LRRC8C: variants seen among roughly 807,000 people sequenced by gnomAD.
LRRC8C encodes the protein leucine rich repeat containing 8 VRAC subunit C, also known as volume-regulated anion channel subunit LRRC8C.
A neutral mutation model predicts 55.3 loss-of-function variants in LRRC8C; 20 were observed. The ratio of observed to expected loss-of-function variants is 0.36; its 90% CI spans 0.25 to 0.53. The LOEUF is 0.53. Ranked by LOEUF, LRRC8C falls within the 20% of genes least tolerant of loss-of-function variation. The probability of loss-of-function intolerance (pLI) is 0.92; values close to 1 mark genes in which losing one functional copy is unlikely to be tolerated. For synonymous variants in LRRC8C, 376 were observed against 360.7 expected (o/e 1.04, Z -0.48); for missense variants, 659 against 951.4 (o/e 0.69, Z 4.04).
chr1:89,668,654 G>A (rs192988961), intron 1 of LRRC8C, among the ~76,000 whole-genome samples: 2 of 152,230 alleles, frequency 1.3e-5, no homozygotes, highest in East Asian at 3.9e-4. Context: ...AAATGAGCTT[G>A]GACATTGGAA....
At chr1:89,693,508 T>C (rs370207011) in intron 2 of LRRC8C, among the ~76,000 whole-genome samples, 3 of 152,124 alleles carry the variant, frequency 2.0e-5, no homozygotes, top group East Asian at 1.9e-4. Context: ...TTGAATTTTA[T>C]AGATAGAAGC....
intron 1 of LRRC8C, among the ~76,000 whole-genome samples, chr1:89,672,546 T>G (rs973826749): frequency 1.3e-5 from 2 of 152,186 alleles, no homozygotes; most frequent in Non-Finnish European, 2.9e-5. Context: ...AGACACCGCA[T>G]CTGTCCTTTG....
chr1:89,668,225 A>G (rs1250764417), intron 1 of LRRC8C: 1 of 152,564 alleles, frequency 6.6e-6, no homozygotes, highest in East Asian at 1.9e-4. Flanking sequence ...GAAATCACAT[A>G]CAGATCCCCC....
intron 1 of LRRC8C, among the ~76,000 whole-genome samples, chr1:89,680,767 G>C (rs1420749466): frequency 6.6e-6 from 1 of 151,256 alleles, no homozygotes; most frequent in Non-Finnish European, 1.5e-5. Flanking sequence ...TACCATGTTG[G>C]CCAGGCTGGT....
chr1:89,664,505 GTGT>G (rs1657204154), intron 1 of LRRC8C, among the ~76,000 whole-genome samples: 1 of 152,020 alleles, frequency 6.6e-6, no homozygotes, highest in Non-Finnish European at 1.5e-5. Flanking sequence ...GTCTATATTT[GTGT>G]TTTGGTACCA....
chr1:89,623,109 C>G, the LRRC8C span, among the ~76,000 whole-genome samples: 1 of 151,474 alleles, frequency 6.6e-6, no homozygotes, highest in Non-Finnish European at 1.5e-5. Context: ...TTATCTGAAC[C>G]CTAGTGTTTT....
chr1:89,620,199 G>A, the LRRC8C span, among the ~76,000 whole-genome samples: 1 of 152,068 alleles, frequency 6.6e-6, no homozygotes. Flanking sequence ...TATCATGAGG[G>A]CATTAATCCC....
chr1:89,708,630 T>A (rs1557668870), intron 2 of LRRC8C: 1 of 152,238 alleles, frequency 6.6e-6, no homozygotes, highest in East Asian at 1.9e-4. Flanking sequence ...CCTGCCTTAT[T>A]TTTTTTCTTA....
At chr1:89,703,850 G>C (rs896611653) in intron 2 of LRRC8C, among the ~76,000 whole-genome samples, 1 of 151,922 alleles carries the variant, frequency 6.6e-6, no homozygotes, top group Non-Finnish European at 1.5e-5. Context: ...CTAGAAATAA[G>C]TCCAAATATC....
At chr1:89,681,585 G>A (rs1049495050) in intron 1 of LRRC8C, among the ~76,000 whole-genome samples, 1 of 152,128 alleles carries the variant, frequency 6.6e-6, no homozygotes, top group African/African-American at 2.4e-5. Flanking sequence ...GGTGAAGGAG[G>A]GGCAAAGGCA....
At chr1:89,695,096 A>G (rs1658136128) in intron 2 of LRRC8C, among the ~76,000 whole-genome samples, 1 of 151,002 alleles carries the variant, frequency 6.6e-6, no homozygotes, top group South Asian at 2.1e-4. Flanking sequence ...TAATTTTTGT[A>G]TTTTTAGTAG....
At chr1:89,637,030 C>T (rs1044103744) in intron 1 of LRRC8C, among the ~76,000 whole-genome samples, 1 of 152,078 alleles carries the variant, frequency 6.6e-6, no homozygotes, top group African/African-American at 2.4e-5. Context: ...TTGGTGGCAC[C>T]TTCTTTGTTA....
chr1:89,705,131 G>A lies in LRRC8C; in HGVS notation c.139-7578G>A, dbSNP rs1658439076. 2.0e-5 allele frequency among the ~76,000 whole-genome samples: 3 copies of A among 151,822 alleles called. No homozygotes were observed. The South Asian group carries it at 6.2e-4, about 32-fold the overall frequency. ...AGTTCATGTCCTTTATAGGGACATGGATGAAATTGGAAATCATCATTCTCA... is the reference window on the plus strand; with the variant it reads ...AGTTCATGTCCTTTATAGGGACATGAATGAAATTGGAAATCATCATTCTCA... On this transcript the variant is annotated intron_variant, in intron 2 of 2. Coordinates refer to ENST00000370454, the MANE Select transcript of LRRC8C (RefSeq NM_032270.5).
rs146552074 is a variant in LRRC8C at position 89,718,624 on chromosome 1, A to G, written c.*3642A>G. 2.0e-3 allele frequency: 310 copies of G among 152,318 alleles called. No individual in the cohort carries two copies. Among genetic ancestry groups the G allele is most frequent in the African/African-American group, 7.2e-3 (301 of 41,572 alleles). 9.4% of individuals were successfully genotyped at this position (152,318 alleles called of 1,614,324 possible). A position where few individuals can be genotyped will look rare whatever the true frequency, so the allele number is the denominator to read the frequency against. On this transcript the variant is annotated 3_prime_UTR_variant, in exon 3 of 3. Transcript: ENST00000370454. ...ATAGAAATGATATATTTAAGCAGCA[A>G]AGATTCCTAATCCATCATTATGAAA...
chr1:89,667,708 G>T (rs1657310184), intron 1 of LRRC8C, among the ~76,000 whole-genome samples: 1 of 152,126 alleles, frequency 6.6e-6, no homozygotes, highest in Non-Finnish European at 1.5e-5. Context: ...TCCCTTAAAA[G>T]AGCTAAAACT....
chr1:89,694,484 C>G (rs1195099948), intron 2 of LRRC8C, among the ~76,000 whole-genome samples: 1 of 151,494 alleles, frequency 6.6e-6, no homozygotes, highest in Non-Finnish European at 1.5e-5. Context: ...AGTTCTCACT[C>G]TGTTGCGCAG....
At chr1:89,677,362 A>G (rs1657580184) in intron 1 of LRRC8C, among the ~76,000 whole-genome samples, 1 of 152,238 alleles carries the variant, frequency 6.6e-6, no homozygotes, top group East Asian at 1.9e-4. Context: ...CAAAAGTTCT[A>G]TCATTTTATG....
chr1:89,678,654 C>T (rs1424488686), intron 1 of LRRC8C, among the ~76,000 whole-genome samples: 1 of 150,910 alleles, frequency 6.6e-6, no homozygotes, highest in Non-Finnish European at 1.5e-5. Context: ...GAGCCAAGAT[C>T]GCGCCATTGC....
intron 1 of LRRC8C, among the ~76,000 whole-genome samples, chr1:89,650,692 A>G (rs571048328): frequency 6.6e-6 from 1 of 152,308 alleles, no homozygotes; most frequent in African/African-American, 2.4e-5. Context: ...AATATAGTAA[A>G]CTTTAAGCCA....
Sources: gnomAD v4.1 joint callset for allele counts (sites outside exome capture counted in the v4.1 genomes callset) on GRCh38, gnomAD v4.1.1 for gene constraint, MANE v1.5 for transcripts, NCBI Gene and HGNC (gene_info 2026-07-23, HGNC 2026-07-21) for gene names.